The following ERC2 variants were observed in gnomAD, a reference collection of about 807,000 sequenced individuals.
The protein encoded by ERC2 is ELKS/RAB6-interacting/CAST family member 2.
In ERC2, 42 loss-of-function variants were observed where a neutral mutation model predicts 114.8. The observed-to-expected ratio is 0.37, with a 90% confidence interval of 0.29 to 0.47. The LOEUF (loss-of-function observed/expected upper bound fraction) is 0.47, where lower values mean the gene tolerates loss of function less well. Among genes scored for constraint, ERC2 ranks in the 20% least tolerant of loss-of-function variants. ERC2 has a pLI of 0.99. For missense variants in ERC2, 939 were observed against 1,150.7 expected, an observed-to-expected ratio of 0.82 and a Z score of 2.66; for synonymous variants, 454 against 425.5, an observed-to-expected ratio of 1.07 and a Z score of -0.82.
In ERC2 at chr3:55,978,502, G is replaced by A. The variant is rs2069780819; in HGVS notation, c.2267+7475C>T. Among the ~76,000 whole-genome samples the A allele has an allele frequency of 2.0e-5, 3 of 152,334 alleles. No individual in the cohort carries two copies. In the South Asian group the frequency reaches 6.2e-4, roughly 32 times the overall value. On this transcript the variant is annotated intron_variant, in intron 12 of 17. Coordinates refer to ENST00000288221, the MANE Select transcript of ERC2 (RefSeq NM_015576.3). Reference sequence around the variant, plus strand: ...TTTTTACAACTAGAAAAGCAACGGAGGCAGCCGGCTTCTCTCTCGTATCAA... The same window carrying A: ...TTTTTACAACTAGAAAAGCAACGGAAGCAGCCGGCTTCTCTCTCGTATCAA...
At chr3:56,251,697 C>T (rs2052165620) in intron 3 of ERC2, among the ~76,000 whole-genome samples, 1 of 152,226 alleles carries the variant, frequency 6.6e-6, no homozygotes, top group Admixed American at 6.5e-5. Context: ...GCATTTAACA[C>T]ATGCTAGGTG....
intron 4 of ERC2, among the ~76,000 whole-genome samples, chr3:56,167,841 ATATTTGGAGCCC>A (rs1283490910): frequency 6.6e-6 from 1 of 152,160 alleles, no homozygotes; most frequent in Non-Finnish European, 1.5e-5. Flanking sequence ...TGTAATGTAC[ATATTTGGAGCCC>A]TATTTGGAGC....
intron 2 of ERC2, among the ~76,000 whole-genome samples, chr3:56,355,294 T>C (rs890510891): frequency 6.6e-6 from 1 of 151,310 alleles, no homozygotes; most frequent in Non-Finnish European, 1.5e-5. Context: ...CCTTTTTTTT[T>C]CTTGTTTTCT....
At chr3:56,140,246 A>T (rs2080773325) in intron 5 of ERC2, among the ~76,000 whole-genome samples, 1 of 152,132 alleles carries the variant, frequency 6.6e-6, no homozygotes, top group African/African-American at 2.4e-5. Context: ...ACCAAAAAAG[A>T]TCACTAGAAT....
intron 1 of ERC2, among the ~76,000 whole-genome samples, chr3:56,453,242 T>C (rs1404693992): frequency 2.0e-5 from 3 of 152,168 alleles, no homozygotes; most frequent in Admixed American, 6.5e-5. Flanking sequence ...AAGTAACAAA[T>C]GCCATAACCA....
intron 2 of ERC2, among the ~76,000 whole-genome samples, chr3:56,416,832 A>T (rs1166888716): frequency 6.6e-6 from 1 of 152,136 alleles, no homozygotes; most frequent in Non-Finnish European, 1.5e-5. Context: ...AGCTCAGCAC[A>T]TGGTTCCATG....
chr3:55,693,298 C>G (rs1486116781), intron 16 of ERC2, among the ~76,000 whole-genome samples: 2 of 152,172 alleles, frequency 1.3e-5, no homozygotes, highest in African/African-American at 4.8e-5. Context: ...TCTGAAAGTA[C>G]CCCTAGCACC....
At chr3:55,549,260 G>A (rs2054975552) in intron 17 of ERC2, among the ~76,000 whole-genome samples, 1 of 152,044 alleles carries the variant, frequency 6.6e-6, no homozygotes, top group Non-Finnish European at 1.5e-5. Flanking sequence ...AGTAGCCTGT[G>A]AGGACGAAAT....
intron 15 of ERC2, among the ~76,000 whole-genome samples, chr3:55,728,418 A>G (rs976529503): frequency 3.3e-5 from 5 of 152,200 alleles, no homozygotes; most frequent in Admixed American, 2.6e-4. Context: ...GCTTCCCTGG[A>G]GAAGTGATGT....
At chr3:55,850,960 C>T (rs1460242565) in intron 14 of ERC2, among the ~76,000 whole-genome samples, 1 of 151,734 alleles carries the variant, frequency 6.6e-6, no homozygotes. Flanking sequence ...GCCTGACTTC[C>T]CCTGGGACTT....
Position 55,610,156 on chromosome 3 carries a change from A to C in ERC2, c.*39+73638T>G, listed in dbSNP as rs199531783. 1.3e-4 allele frequency among the ~76,000 whole-genome samples: 20 copies of C among 151,182 alleles called. No individual in the cohort carries two copies. In the East Asian group the frequency reaches 2.9e-3, roughly 22 times the overall value. On this transcript the variant is annotated intron_variant, in intron 17 of 17. Transcript: ENST00000288221. ...TTGGGCCAGACAATTATTTGTCATCAGGACTGCTTTGTGCAATGTAGGATA... is the reference window on the plus strand; with the variant it reads ...TTGGGCCAGACAATTATTTGTCATCCGGACTGCTTTGTGCAATGTAGGATA...
rs189250926 is a variant in ERC2, at chr3:55,959,597, C to A, written c.2268-9037G>T. Among the ~76,000 whole-genome samples the A allele has an allele frequency of 7.2e-5, 11 of 152,284 alleles. No homozygotes were observed. The South Asian group carries it at 2.3e-3, about 32-fold the overall frequency. ...TCTAATAATAAGATGCTCTTCCTTG[C>A]GAGCAGACCACACACAGATGTCAGG... On this transcript the variant is annotated intron_variant, in intron 12 of 17. Coordinates refer to ENST00000288221, the MANE Select transcript of ERC2 (RefSeq NM_015576.3).
At chr3:56,020,220 T>C (rs1040629222) in intron 7 of ERC2, among the ~76,000 whole-genome samples, 2 of 152,154 alleles carry the variant, frequency 1.3e-5, no homozygotes, top group Non-Finnish European at 2.9e-5. Flanking sequence ...ATTTTTTCAA[T>C]GGCCACAATG....
intron 14 of ERC2, among the ~76,000 whole-genome samples, chr3:55,875,336 G>A (rs1455003197): frequency 6.6e-6 from 1 of 152,176 alleles, no homozygotes; most frequent in Non-Finnish European, 1.5e-5. Flanking sequence ...CTGCATGCTG[G>A]CACTGGCTGC....
chr3:55,829,720 A>G (rs897982998), intron 14 of ERC2, among the ~76,000 whole-genome samples: 1 of 152,174 alleles, frequency 6.6e-6, no homozygotes, highest in Middle Eastern at 3.4e-3. Context: ...GTGTCTCACT[A>G]TATTGCCCAG....
intron 14 of ERC2, among the ~76,000 whole-genome samples, chr3:55,832,378 T>G (rs917770404): frequency 1.3e-5 from 2 of 152,152 alleles, no homozygotes; most frequent in South Asian, 2.1e-4. Flanking sequence ...AGACTGACAC[T>G]TCACACGGCC....
At chr3:56,078,667 C>A (rs774445932) in intron 7 of ERC2, among the ~76,000 whole-genome samples, 25 of 152,078 alleles carry the variant, frequency 1.6e-4, no homozygotes, top group Non-Finnish European at 3.7e-4. Context: ...GTAACATAAC[C>A]TTGGCCAATC....
At chr3:56,152,419 G>A (rs895835222) in intron 4 of ERC2, among the ~76,000 whole-genome samples, 1 of 6,638 alleles carries the variant, frequency 1.5e-4, no homozygotes, top group Non-Finnish European at 1.4e-3. Flanking sequence ...TAAAATGAAG[G>A]GGGGGGGGCG....
chr3:56,349,670 G>T (rs1421431357), intron 2 of ERC2, among the ~76,000 whole-genome samples: 2 of 152,174 alleles, frequency 1.3e-5, no homozygotes, highest in Non-Finnish European at 2.9e-5. Context: ...ATTTTGGGAG[G>T]CCGAGACAGG....
Sources: allele counts gnomAD v4.1 joint callset (sites outside exome capture counted in the v4.1 genomes callset), GRCh38; gene constraint gnomAD v4.1.1; transcripts MANE v1.5; gene names NCBI Gene and HGNC (gene_info 2026-07-23, HGNC 2026-07-21).